Variants in LIPA observed in about 807,000 individuals in gnomAD.
LIPA encodes lipase A, lysosomal acid type.
LIPA carries 26 observed loss-of-function variants against 40.6 expected under a neutral mutation model. That is an observed-to-expected ratio of 0.64 (90% CI 0.47 to 0.89). The LOEUF (loss-of-function observed/expected upper bound fraction) is 0.89, where lower values mean the gene tolerates loss of function less well. LIPA is among the 40% of genes least tolerant of loss of function. The probability of loss-of-function intolerance (pLI) is 0.00; values close to 1 mark genes in which losing one functional copy is unlikely to be tolerated. For synonymous variants in LIPA, 188 were observed against 168.4 expected, an observed-to-expected ratio of 1.12 and a Z score of -0.90; for missense variants, 455 against 479.6, an observed-to-expected ratio of 0.95 and a Z score of 0.48.
intron 8 of LIPA, among the ~76,000 whole-genome samples, chr10:89,217,406 C>T (rs1443270778): frequency 6.6e-6 from 1 of 152,226 alleles, no homozygotes; most frequent in Non-Finnish European, 1.5e-5. Context: ...TTTGGATTCA[C>T]AGCACCTGTT....
intron 2 of LIPA, chr10:89,392,603 C>A: frequency 8.3e-7 from 1 of 1,211,270 alleles, no homozygotes. Flanking sequence ...TTATATAACA[C>A]TGTCTTGGGG....
intron 1 of LIPA, among the ~76,000 whole-genome samples, chr10:89,287,848 C>A (rs1216379885): frequency 6.6e-6 from 1 of 152,162 alleles, no homozygotes; most frequent in Non-Finnish European, 1.5e-5. Context: ...CCTTATCAAC[C>A]AAATTGTTTT....
intron 2 of LIPA, among the ~76,000 whole-genome samples, chr10:89,353,711 C>G (rs1203671277): frequency 6.6e-6 from 1 of 152,122 alleles, no homozygotes; most frequent in South Asian, 2.1e-4. Flanking sequence ...GAGGCCGAGC[C>G]TGGCAGATCA....
intron 2 of LIPA, among the ~76,000 whole-genome samples, chr10:89,395,995 G>T (rs573428179): frequency 6.6e-6 from 1 of 152,182 alleles, no homozygotes; most frequent in East Asian, 1.9e-4. Context: ...TGAACATTTG[G>T]GTTGTTTCCA....
At chr10:89,337,311 C>G (rs10749606) in intron 1 of LIPA, among the ~76,000 whole-genome samples, 92,363 of 152,078 alleles carry the variant, frequency 0.61, 29,970 homozygotes, top group East Asian at 0.94. Flanking sequence ...AAAAGAGGTA[C>G]CCCAATAAAG....
chr10:89,303,269 A>G (rs1407439810), intron 1 of LIPA, among the ~76,000 whole-genome samples: 1 of 152,196 alleles, frequency 6.6e-6, no homozygotes. Context: ...CAGCTTATTA[A>G]GGACAGAGTC....
intron 2 of LIPA, chr10:89,384,875 T>A (rs1844194197): frequency 1.4e-6 from 1 of 718,578 alleles, no homozygotes. Context: ...GTGGCCTGAG[T>A]TATGTAGCAT....
In LIPA at chr10:89,322,607, C is replaced by A. The variant is rs183938576; in HGVS notation, c.-2+20004G>T. Among the ~76,000 whole-genome samples, 76 of 140,128 alleles carry A rather than the reference C, an allele frequency of 5.4e-4. 1 individual carries two copies. The East Asian group carries it at 0.017, about 32-fold the overall frequency. The allele number at this position is 140,128 out of a possible 152,430, so 91.9% of individuals were successfully genotyped here. Reference sequence around the variant, plus strand: ...CGTGCTTCTAGACTGAGGCAGAGAGCCCCCCAGACATTTTGGAGGGCAACT... The same window carrying A: ...CGTGCTTCTAGACTGAGGCAGAGAGACCCCCAGACATTTTGGAGGGCAACT... On this transcript the variant is annotated intron_variant, in intron 1 of 5. Coordinates refer to the LIPA transcript ENST00000282673.
intron 2 of LIPA, chr10:89,362,868 C>T (rs1175327033): frequency 6.5e-6 from 2 of 308,918 alleles, no homozygotes; most frequent in Admixed American, 4.5e-5. Context: ...TGCCTATTGC[C>T]TGGACGGTTT....
At chr10:89,315,414 C>A (rs1020507252) in intron 1 of LIPA, among the ~76,000 whole-genome samples, 1 of 152,144 alleles carries the variant, frequency 6.6e-6, no homozygotes, top group African/African-American at 2.4e-5. Context: ...GTTGGAAACA[C>A]CATATGTCAT....
Position 89,247,473 on chromosome 10 carries a change from T to C in LIPA, c.111+65A>G, listed in dbSNP as rs951557097. On this transcript the variant is annotated intron_variant, in intron 2 of 9. Coordinates refer to ENST00000336233, the MANE Select transcript of LIPA (RefSeq NM_000235.4). ...ATGAATGTATGGGTATGGCTTCATG[T>C]AGCTCACATAACTGGATCGGGGAAA... The C allele has an allele frequency of 1.6e-5, 14 of 887,186 alleles. No individual in the cohort carries two copies. The African/African-American group carries it at 1.8e-4, about 12-fold the overall frequency. The allele number at this position is 887,186 out of a possible 1,614,324, so 55.0% of individuals were successfully genotyped here.
chr10:89,271,879 A>G (rs995116898), intron 1 of LIPA, among the ~76,000 whole-genome samples: 4 of 152,020 alleles, frequency 2.6e-5, no homozygotes, highest in Non-Finnish European at 5.9e-5. Flanking sequence ...CCTGGACAAC[A>G]TATCAAAACC....
chr10:89,340,790 T>C (rs1214610534), intron 1 of LIPA: 1 of 152,200 alleles, frequency 6.6e-6, no homozygotes, highest in Non-Finnish European at 1.5e-5. Flanking sequence ...TGCAGTCTCA[T>C]CTCATTTTCA....
chr10:89,378,767 T>C (rs1844140456), intron 2 of LIPA, among the ~76,000 whole-genome samples: 1 of 152,210 alleles, frequency 6.6e-6, no homozygotes, highest in Non-Finnish European at 1.5e-5. Flanking sequence ...GAGGCAAGTT[T>C]CCTAACTCCT....
chr10:89,329,130 G>A (rs1843625683), intron 1 of LIPA, among the ~76,000 whole-genome samples: 1 of 152,154 alleles, frequency 6.6e-6, no homozygotes, highest in Non-Finnish European at 1.5e-5. Flanking sequence ...AAGGAGTGAG[G>A]AGGTGATTGC....
At chr10:89,224,299 A>T (rs979598398) in intron 6 of LIPA, among the ~76,000 whole-genome samples, 7 of 152,184 alleles carry the variant, frequency 4.6e-5, no homozygotes, top group Admixed American at 2.6e-4. Flanking sequence ...TTTGTTTTTT[A>T]AAATTTTTTT....
chr10:89,246,344 T>C (rs975055120), intron 2 of LIPA, among the ~76,000 whole-genome samples: 8 of 152,196 alleles, frequency 5.3e-5, no homozygotes, highest in Admixed American at 1.3e-4. Context: ...ATGGGACAAT[T>C]GTTAATCAGG....
At chr10:89,378,059 A>T in intron 2 of LIPA, 1 of 1,528,838 alleles carries the variant, frequency 6.5e-7, no homozygotes. Flanking sequence ...AAGCCCTAGA[A>T]CTCTGTGGAT....
intron 1 of LIPA, among the ~76,000 whole-genome samples, chr10:89,296,489 C>CAAAAA (rs750487920): frequency 1.9e-5 from 2 of 102,956 alleles, no homozygotes; most frequent in Non-Finnish European, 3.9e-5. Flanking sequence ...GAGACTGTCT[C>CAAAAA]AAAAAAAAAA....
Sources: gnomAD v4.1 joint callset for allele counts (sites outside exome capture counted in the v4.1 genomes callset) on GRCh38, gnomAD v4.1.1 for gene constraint, MANE v1.5 for transcripts, NCBI Gene and HGNC (gene_info 2026-07-23, HGNC 2026-07-21) for gene names.